PANK1: variants seen among roughly 807,000 people sequenced by gnomAD.
The protein encoded by PANK1 is pantothenic acid kinase 1.
In PANK1, 18 loss-of-function variants were observed where a neutral mutation model predicts 40.1. That is an observed-to-expected ratio of 0.45 (90% confidence interval 0.31 to 0.67). The LOEUF (loss-of-function observed/expected upper bound fraction) is 0.67, where lower values mean the gene tolerates loss of function less well. Ranked by LOEUF, PANK1 falls within the 30% of genes least tolerant of loss-of-function variation. The probability of loss-of-function intolerance (pLI) is 0.06; values close to 1 mark genes in which losing one functional copy is unlikely to be tolerated. For synonymous variants in PANK1, 242 were observed against 237.7 expected (o/e 1.02, Z -0.17); for missense variants, 457 against 599.6 (o/e 0.76, Z 2.48).
At chr10:89,636,160 G>A (rs1841800401) in intron 1 of PANK1, among the ~76,000 whole-genome samples, 1 of 152,136 alleles carries the variant, frequency 6.6e-6, no homozygotes, top group Admixed American at 6.5e-5. Flanking sequence ...TGCTCTAGGA[G>A]ACTCTCTGCG....
rs879621596 is a variant in PANK1, at chr10:89,584,174, T to TA, written c.*231dup. 23 of 445,402 alleles carry TA rather than the reference T, an allele frequency of 5.2e-5. No individual in the cohort carries two copies. Among genetic ancestry groups the TA allele is most frequent in the Middle Eastern group, 5.8e-4 (1 of 1,726 alleles). The allele number at this position is 445,402 out of a possible 1,614,324, so 27.6% of individuals were successfully genotyped here. ...GTTTGGCCACGCTGCACCATTTTTT[T>TA]AAAAAAATACAGTATACAGAAAAAA... On this transcript the variant is annotated 3_prime_UTR_variant, in exon 7 of 7. Coordinates refer to ENST00000307534, the MANE Select transcript of PANK1 (RefSeq NM_148977.3).
rs962236390 is a variant in PANK1 at position 89,611,940 on chromosome 10, T to C, written c.401A>G (p.Lys134Arg). ...EEEQEEVENL[K>R]SIRKYLTSNT... is the part of the protein sequence containing the mutation. ...AGAAGTCAAATACTTCCGGATGCTC[T>C]TCAGGTTCTCCACTTCCTCTTGCTC... Residue 134 changes from lysine (K) to arginine (R), a missense_variant, in exon 2 of 7, where the codon AAG becomes AGG. Transcript: ENST00000307534. 7.4e-6 allele frequency: 12 copies of C among 1,614,070 alleles called. No homozygotes were observed. In the East Asian group the frequency reaches 1.3e-4, roughly 18 times the overall value.
rs1564621734 is a variant in PANK1, at chr10:89,599,303, C to T, written c.848G>A (p.Ser283Asn). The T allele has an allele frequency of 6.2e-7, 1 of 1,613,780 alleles. No individual in the cohort carries two copies. Among genetic ancestry groups the T allele is most frequent in the Admixed American group, 1.7e-5 (1 of 60,018 alleles). The change falls in exon 3 of 7, where the codon AGC (serine) becomes AAC (asparagine). Residue 283 changes from serine to asparagine, a missense_variant. This residue lies in a region of PANK1 where 286 missense variants were observed against 415.8 expected (regional missense o/e 0.69). Transcript: ENST00000307534. Reference protein sequence around the residue: ...MLLVNMGSGVSILAVYSKDNY... With the variant: ...MLLVNMGSGVNILAVYSKDNY... ...GTCCTTGGAGTACACGGCTAGAATG[C>T]TGACACCTGAGCCCATGTTAACCAG...
intron 1 of PANK1, among the ~76,000 whole-genome samples, chr10:89,630,998 C>T (rs1489512602): frequency 6.6e-6 from 1 of 152,184 alleles, no homozygotes; most frequent in African/African-American, 2.4e-5. Context: ...AAAACTGCAT[C>T]TCTAAACAAA....
intron 2 of PANK1, among the ~76,000 whole-genome samples, chr10:89,601,362 T>G (rs1844780307): frequency 7.1e-6 from 1 of 140,622 alleles, no homozygotes; most frequent in African/African-American, 2.7e-5. Context: ...ATGCTGCTGG[T>G]CCTAGCTGCT....
chr10:89,621,958 C>A (rs1323897074), intron 1 of PANK1, among the ~76,000 whole-genome samples: 1 of 152,354 alleles, frequency 6.6e-6, no homozygotes, highest in Non-Finnish European at 1.5e-5. Context: ...AAGTGATCCA[C>A]CTGCCTTGGC....
At chr10:89,585,118 G>C (rs1844158805) in intron 6 of PANK1, among the ~76,000 whole-genome samples, 1 of 152,160 alleles carries the variant, frequency 6.6e-6, no homozygotes, top group Non-Finnish European at 1.5e-5. Context: ...TAGAGGCTGG[G>C]AAGTCTAAAA....
intron 1 of PANK1, among the ~76,000 whole-genome samples, chr10:89,625,064 C>T (rs1035291913): frequency 6.6e-6 from 1 of 152,110 alleles, no homozygotes; most frequent in Non-Finnish European, 1.5e-5. Flanking sequence ...CCACTTCTGG[C>T]TAATTTTTAC....
chr10:89,613,879 A>G (rs1845237501), intron 1 of PANK1: 7 of 431,482 alleles, frequency 1.6e-5, no homozygotes, highest in Non-Finnish European at 3.3e-5. Flanking sequence ...GATTCGGAAC[A>G]TCTGCTTCCC....
intron 5 of PANK1, among the ~76,000 whole-genome samples, chr10:89,592,416 A>G (rs1844424288): frequency 6.6e-6 from 1 of 152,124 alleles, no homozygotes; most frequent in Non-Finnish European, 1.5e-5. Flanking sequence ...TTGTGTGTGT[A>G]AATTAAACTG....
chr10:89,637,972 A>T (rs547328738), intron 1 of PANK1, among the ~76,000 whole-genome samples: 14 of 152,104 alleles, frequency 9.2e-5, no homozygotes, highest in Admixed American at 7.2e-4. Context: ...AAAAACAAAG[A>T]TGCAAACACA....
At chr10:89,591,098 T>C (rs1163109856) in intron 5 of PANK1, among the ~76,000 whole-genome samples, 1 of 152,134 alleles carries the variant, frequency 6.6e-6, no homozygotes, top group Non-Finnish European at 1.5e-5. Flanking sequence ...GGAGGGTGAA[T>C]TGTATAGCAT....
At position 89,642,710 on chromosome 10, in the gene PANK1, C is replaced by T. The variant is rs555412344; in HGVS notation, c.292+1890G>A. ...CAAGGCACAAAGATATTAAGTTAAG[C>T]CATTTTTAACTAAGAAATTTTGGTA... is the stretch of plus-strand genomic sequence containing the variant. On this transcript the variant is annotated intron_variant, in intron 1 of 6. Transcript: ENST00000307534. Among the ~76,000 whole-genome samples, 18 of 152,194 alleles carry T rather than the reference C, an allele frequency of 1.2e-4. 1 individual carries two copies. In the South Asian group the frequency reaches 3.7e-3, roughly 32 times the overall value.
intron 1 of PANK1, among the ~76,000 whole-genome samples, chr10:89,619,822 T>C (rs1845426342): frequency 6.6e-6 from 1 of 152,228 alleles, no homozygotes; most frequent in Non-Finnish European, 1.5e-5. Context: ...GGAAAATGTT[T>C]AAAGATCATG....
In PANK1 at chr10:89,593,805, A is replaced by G; in HGVS notation, c.1076+8T>C. 6.2e-7 allele frequency: 1 copy of G among 1,606,590 alleles called. No homozygotes were observed. Among genetic ancestry groups the G allele is most frequent in the Non-Finnish European group, 8.5e-7 (1 of 1,173,446 alleles). On this transcript the variant is annotated splice_region_variant and intron_variant, in intron 4 of 6. Transcript: ENST00000307534. The stretch of plus-strand genomic sequence containing the variant: ...AATCACTACTGCTCCTAGCTACTTA[A>G]TCTCTACCTTGATGCTACAGCAGAT...
chr10:89,611,416 C>T (rs551410402), intron 2 of PANK1, among the ~76,000 whole-genome samples: 17 of 152,276 alleles, frequency 1.1e-4, no homozygotes, highest in East Asian at 1.9e-4. Context: ...TTGTCTTTAG[C>T]GTATTACCCA....
intron 2 of PANK1, among the ~76,000 whole-genome samples, chr10:89,602,111 T>A (rs1844805742): frequency 6.6e-6 from 1 of 152,240 alleles, no homozygotes; most frequent in South Asian, 2.1e-4. Context: ...GTTAACTGCT[T>A]AAAAATTAAT....
At chr10:89,635,089 T>C (rs549069422) in intron 1 of PANK1, among the ~76,000 whole-genome samples, 1 of 152,232 alleles carries the variant, frequency 6.6e-6, no homozygotes, top group African/African-American at 2.4e-5. Flanking sequence ...ACAGCAATGA[T>C]ATTAATATTA....
At position 89,599,407 on chromosome 10, in the gene PANK1, A is replaced by G. The variant is rs1589771888; in HGVS notation, c.744T>C (p.Cys248=). Residue 248 remains cysteine (C), a synonymous_variant, in exon 3 of 7, where the codon TGT becomes TGC. Coordinates refer to ENST00000307534, the MANE Select transcript of PANK1 (RefSeq NM_148977.3). ...DSVGFNGKPE[C]YYFENPTNPE... is the part of the protein sequence containing the mutation. The stretch of plus-strand genomic sequence containing the variant: ...GATTTGTGGGATTTTCAAAATAGTA[A>G]CATTCTGGCTTGCCGTTGAAGCCAA... The G allele has an allele frequency of 5.6e-6, 9 of 1,614,052 alleles. No individual in the cohort carries two copies. Among genetic ancestry groups the G allele is most frequent in the Middle Eastern group, 1.6e-4 (1 of 6,062 alleles).
Sources: gnomAD v4.1 joint callset for allele counts (sites outside exome capture counted in the v4.1 genomes callset) on GRCh38, gnomAD v4.1.1 for gene constraint, gnomAD v4.1.1 regional missense constraint, MANE v1.5 for transcripts, NCBI Gene and HGNC (gene_info 2026-07-23, HGNC 2026-07-21) for gene names.